The following PRMT8 variants were observed in gnomAD, a reference collection of about 807,000 sequenced individuals.
PRMT8 encodes protein arginine N-methyltransferase 8.
In PRMT8, 7 loss-of-function variants were observed where a neutral mutation model predicts 47.1. The observed-to-expected ratio is 0.15, with a 90% CI of 0.08 to 0.28. The LOEUF is 0.28. Among genes scored for constraint, PRMT8 ranks in the 10% least tolerant of loss-of-function variants. PRMT8 has a pLI of 1.00. For synonymous variants in PRMT8, 188 were observed against 186.5 expected, an observed-to-expected ratio of 1.01 and a Z score of -0.07; for missense variants, 237 against 505.4, an observed-to-expected ratio of 0.47 and a Z score of 5.09.
At chr12:3,475,673 C>A (rs1865205107) in intron 1 of PRMT8, among the ~76,000 whole-genome samples, 1 of 152,120 alleles carries the variant, frequency 6.6e-6, no homozygotes, top group South Asian at 2.1e-4. Flanking sequence ...GATTGCAAGG[C>A]CTCTGCAGAT....
In PRMT8 at chr12:3,461,871, G is replaced by A. The variant is rs1482754229; in HGVS notation, c.49-78735G>A. ...CTTCCTACAGCCTTTGTTACAAGCA[G>A]GTTTTTTAAAAAACCAAAACAAAAC... On this transcript the variant is annotated intron_variant, in intron 1 of 9. Coordinates refer to the PRMT8 transcript ENST00000452611. Among the ~76,000 whole-genome samples the A allele has an allele frequency of 3.3e-5, 5 of 151,978 alleles. 1 individual carries two copies. Among genetic ancestry groups the A allele is most frequent in the Admixed American group, 6.6e-5 (1 of 15,262 alleles).
chr12:3,397,111 C>T (rs1591537744), intron 1 of PRMT8, among the ~76,000 whole-genome samples: 1 of 151,652 alleles, frequency 6.6e-6, no homozygotes, highest in Non-Finnish European at 1.5e-5. Flanking sequence ...GTTATACATT[C>T]TTCTAAATTT....
chr12:3,529,545 A>G (rs960241908), intron 1 of PRMT8, among the ~76,000 whole-genome samples: 2 of 152,114 alleles, frequency 1.3e-5, no homozygotes, highest in Non-Finnish European at 2.9e-5. Context: ...GAGTGTGTAC[A>G]TTGGAATTTC....
At chr12:3,523,990 G>C (rs2137144995) in intron 1 of PRMT8, among the ~76,000 whole-genome samples, 1 of 152,288 alleles carries the variant, frequency 6.6e-6, no homozygotes, top group South Asian at 2.1e-4. Flanking sequence ...ATATGCCCTG[G>C]GCTAATGTCT....
chr12:3,531,090 G>C (rs960958331), intron 1 of PRMT8, among the ~76,000 whole-genome samples: 1 of 152,228 alleles, frequency 6.6e-6, no homozygotes, highest in Non-Finnish European at 1.5e-5. Context: ...GGTAAAGAGA[G>C]TCATGAACAT....
chr12:3,440,318 C>G (rs1864787028), intron 1 of PRMT8, among the ~76,000 whole-genome samples: 1 of 151,982 alleles, frequency 6.6e-6, no homozygotes, highest in East Asian at 1.9e-4. Flanking sequence ...AAAAATTAGC[C>G]AGGCATGGCA....
Position 3,491,403 on chromosome 12 carries a change from A to C in PRMT8, c.-223A>C. On this transcript the variant is annotated 5_prime_UTR_variant, in exon 1 of 10. Transcript: ENST00000382622. ...GTCGGGGGCACGAGAAGAACTTGAA[A>C]CCGTGTGAAGGAATCCGGAGCAGAT... 1 of 1,278,792 alleles carries C rather than the reference A, an allele frequency of 7.8e-7. No individual in the cohort carries two copies. Among genetic ancestry groups the C allele is most frequent in the Non-Finnish European group, 9.9e-7 (1 of 1,010,670 alleles). 79.2% of individuals were successfully genotyped at this position (1,278,792 alleles called of 1,614,324 possible).
chr12:3,561,195 C>T (rs1866630276), intron 4 of PRMT8, among the ~76,000 whole-genome samples: 1 of 152,152 alleles, frequency 6.6e-6, no homozygotes, highest in African/African-American at 2.4e-5. Context: ...AGCTCTTTCA[C>T]CAACAGAGGG....
intron 1 of PRMT8, among the ~76,000 whole-genome samples, chr12:3,485,194 C>T (rs1390100083): frequency 6.6e-6 from 1 of 152,202 alleles, no homozygotes; most frequent in Non-Finnish European, 1.5e-5. Flanking sequence ...AAAGACCTCT[C>T]GGAAAGAATG....
chr12:3,555,523 A>G (rs1362796332), intron 4 of PRMT8, among the ~76,000 whole-genome samples: 2 of 152,252 alleles, frequency 1.3e-5, no homozygotes, highest in Non-Finnish European at 1.5e-5. Flanking sequence ...GGACCAGATC[A>G]CACAGGATTT....
In PRMT8 at chr12:3,569,338, C is replaced by T. The variant is rs767083928; in HGVS notation, c.625-139C>T. 7.8e-6 allele frequency: 6 copies of T among 767,276 alleles called. No homozygotes were observed. Among genetic ancestry groups the T allele is most frequent in the South Asian group, 6.1e-5 (4 of 65,874 alleles). 47.5% of individuals were successfully genotyped at this position (767,276 alleles called of 1,614,324 possible). On this transcript the variant is annotated intron_variant, in intron 5 of 9. Coordinates refer to ENST00000382622, the MANE Select transcript of PRMT8 (RefSeq NM_019854.5). The surrounding 1 kb of genome is among the most constrained non-coding windows in gnomAD (Gnocchi z 8.2). Reference sequence around the variant, plus strand: ...GAGCACTGCTGTCCTAGCCCTCACCCCAGACAAGGTGACAGTCCACTGCAT... The same window carrying T: ...GAGCACTGCTGTCCTAGCCCTCACCTCAGACAAGGTGACAGTCCACTGCAT...
intron 1 of PRMT8, among the ~76,000 whole-genome samples, chr12:3,427,318 A>T (rs1013373505): frequency 1.3e-4 from 20 of 152,100 alleles, no homozygotes; most frequent in Non-Finnish European, 2.8e-4. Flanking sequence ...ACCTTTTATA[A>T]TTTTTGTTAA....
intron 4 of PRMT8, among the ~76,000 whole-genome samples, chr12:3,558,948 G>GGCTATCTACCTATCTATCTA (rs1276847106): frequency 3.6e-5 from 4 of 112,638 alleles, no homozygotes; most frequent in African/African-American, 1.7e-4. Context: ...ACATTTATCT[G>GGCTATCTACCTATCTATCTA]TCTATCTATC....
chr12:3,447,985 C>T (rs982285382), intron 1 of PRMT8, among the ~76,000 whole-genome samples: 2 of 152,120 alleles, frequency 1.3e-5, no homozygotes, highest in Non-Finnish European at 2.9e-5. Context: ...ACGTTTTGGC[C>T]TCAGACTCCC....
At chr12:3,444,777 G>A (rs1864839251) in intron 1 of PRMT8, among the ~76,000 whole-genome samples, 2 of 152,266 alleles carry the variant, frequency 1.3e-5, no homozygotes, top group Non-Finnish European at 2.9e-5. Context: ...TTGCCCAATG[G>A]CAAGAGTGGA....
At chr12:3,455,425 A>G (rs1347762968) in intron 1 of PRMT8, among the ~76,000 whole-genome samples, 2 of 152,104 alleles carry the variant, frequency 1.3e-5, no homozygotes, top group African/African-American at 4.8e-5. Context: ...GGGAGGGGTG[A>G]GCTGCTTCAG....
chr12:3,412,933 ATTACATTCCATGAGGCAT>A (rs1228142565), intron 1 of PRMT8, among the ~76,000 whole-genome samples: 2 of 152,162 alleles, frequency 1.3e-5, no homozygotes, highest in Admixed American at 1.3e-4. Context: ...TGCTTTTCTA[ATTACATTCCATGAGGCAT>A]TGGTCTGCCA....
intron 4 of PRMT8, among the ~76,000 whole-genome samples, chr12:3,561,971 A>G (rs565147755): frequency 4.2e-4 from 64 of 152,286 alleles, no homozygotes; most frequent in African/African-American, 1.4e-3. Flanking sequence ...GTTTCAGTAA[A>G]TTTGCAGAAT....
At chr12:3,447,683 C>G (rs1256179428) in intron 1 of PRMT8, among the ~76,000 whole-genome samples, 1 of 152,152 alleles carries the variant, frequency 6.6e-6, no homozygotes, top group Non-Finnish European at 1.5e-5. Context: ...TCAGTTGTCT[C>G]TCTCTCCTTC....
Sources: allele counts gnomAD v4.1 joint callset (sites outside exome capture counted in the v4.1 genomes callset), GRCh38; gene constraint gnomAD v4.1.1; non-coding constraint Gnocchi (gnomAD v3.1); transcripts MANE v1.5; gene names NCBI Gene and HGNC (gene_info 2026-07-23, HGNC 2026-07-21).